CPVL: variants seen among roughly 807,000 people sequenced by gnomAD.
The protein encoded by CPVL is probable serine carboxypeptidase CPVL.
In CPVL, 51 loss-of-function variants were observed where a neutral mutation model predicts 63.7. That is an observed-to-expected ratio of 0.80 (90% CI 0.64 to 1.01). The LOEUF is 1.01. Among genes scored for constraint, CPVL ranks in the 50% least tolerant of loss-of-function variants. CPVL has a pLI of 0.00. For synonymous variants in CPVL, 195 were observed against 206.0 expected (o/e 0.95, Z 0.46); for missense variants, 530 against 573.1 (o/e 0.92, Z 0.77).
intron 6 of CPVL, among the ~76,000 whole-genome samples, chr7:29,090,615 A>G (rs1238925184): frequency 6.6e-6 from 1 of 152,220 alleles, no homozygotes; most frequent in Non-Finnish European, 1.5e-5. Flanking sequence ...CAGCTGGCAC[A>G]TAATAGGCAA....
chr7:29,077,199 T>C (rs543153433), intron 7 of CPVL, among the ~76,000 whole-genome samples: 2 of 152,258 alleles, frequency 1.3e-5, no homozygotes, highest in Admixed American at 1.3e-4. Context: ...GAGAATAATA[T>C]TAAAATGGAA....
At chr7:29,190,948 T>C (rs972536670) in intron 1 of CPVL, among the ~76,000 whole-genome samples, 18 of 151,988 alleles carry the variant, frequency 1.2e-4, no homozygotes, top group Admixed American at 2.0e-4. Flanking sequence ...TTTTTTTTTT[T>C]CCCTGAGACA....
intron 11 of CPVL, among the ~76,000 whole-genome samples, chr7:29,048,374 C>A (rs1789821544): frequency 6.6e-6 from 1 of 152,128 alleles, no homozygotes; most frequent in Admixed American, 6.6e-5. Flanking sequence ...AAAGGCATTT[C>A]ATGCAAAGAG....
intron 1 of CPVL, among the ~76,000 whole-genome samples, chr7:29,121,719 C>G (rs1422154752): frequency 1.3e-5 from 2 of 152,104 alleles, no homozygotes; most frequent in African/African-American, 4.8e-5. Flanking sequence ...ACAGCTTAAG[C>G]AAAGGTGAGA....
chr7:29,154,023 A>G (rs774828510), intron 5 of CPVL, among the ~76,000 whole-genome samples: 18 of 152,234 alleles, frequency 1.2e-4, no homozygotes, highest in Non-Finnish European at 1.9e-4. Flanking sequence ...TAAGTTTTGG[A>G]GAAGTCAAAA....
At chr7:29,006,279 T>C (rs1785187836) in intron 12 of CPVL, among the ~76,000 whole-genome samples, 1 of 152,238 alleles carries the variant, frequency 6.6e-6, no homozygotes, top group African/African-American at 2.4e-5. Flanking sequence ...CTCAGACTCC[T>C]GGTTCTCTGA....
At chr7:29,114,304 T>C (rs964003217) in intron 2 of CPVL, among the ~76,000 whole-genome samples, 1 of 152,132 alleles carries the variant, frequency 6.6e-6, no homozygotes, top group Non-Finnish European at 1.5e-5. Flanking sequence ...ATTCCCACTT[T>C]ACAGATAAGA....
At chr7:29,079,974 A>C (rs891566751) in intron 7 of CPVL, among the ~76,000 whole-genome samples, 4 of 152,194 alleles carry the variant, frequency 2.6e-5, no homozygotes, top group Non-Finnish European at 5.9e-5. Flanking sequence ...ATACAGATGG[A>C]AGAAGCATGG....
intron 1 of CPVL, among the ~76,000 whole-genome samples, chr7:29,143,092 C>G (rs1459303487): frequency 6.6e-6 from 1 of 152,180 alleles, no homozygotes; most frequent in South Asian, 2.1e-4. Flanking sequence ...CCTCCCATGC[C>G]TTCAATGGCT....
chr7:29,139,543 G>T (rs1010532123), intron 1 of CPVL, among the ~76,000 whole-genome samples: 1 of 151,758 alleles, frequency 6.6e-6, no homozygotes, highest in Admixed American at 6.6e-5. Context: ...GGGGGGCAGG[G>T]GGGCTACAAC....
chr7:29,083,919 C>CT (rs1174446410), intron 7 of CPVL, among the ~76,000 whole-genome samples: 1 of 151,924 alleles, frequency 6.6e-6, no homozygotes, highest in Non-Finnish European at 1.5e-5. Context: ...AGTTACTTGT[C>CT]TAATTTTTTC....
intron 10 of CPVL, 147 bp from the exon 11 acceptor site, chr7:29,064,381 C>G (rs76303279): frequency 2.0e-6 from 1 of 502,406 alleles, no homozygotes; most frequent in Admixed American, 3.8e-5. Flanking sequence ...AATTTTAACT[C>G]GGAGGTTTTG....
At chr7:29,140,645 G>GA (rs1428060463) in intron 1 of CPVL, among the ~76,000 whole-genome samples, 1 of 152,092 alleles carries the variant, frequency 6.6e-6, no homozygotes. Context: ...CTAACTTTGG[G>GA]AAAAAAGCAT....
chr7:29,004,483 G>C (rs1784975733), intron 12 of CPVL, among the ~76,000 whole-genome samples: 1 of 152,138 alleles, frequency 6.6e-6, no homozygotes, highest in Admixed American at 6.5e-5. Context: ...GCAAGGTTGG[G>C]ATGAATTATT....
At chr7:29,068,177 T>G (rs184745435) in intron 9 of CPVL, among the ~76,000 whole-genome samples, 2,231 of 151,586 alleles carry the variant, frequency 0.015, 27 homozygotes, top group Non-Finnish European at 0.017. Flanking sequence ...GCTAATTTTT[T>G]TTTGTGTGTG....
intron 11 of CPVL, among the ~76,000 whole-genome samples, chr7:29,037,706 T>C (rs1192827575): frequency 6.6e-6 from 1 of 152,090 alleles, no homozygotes; most frequent in Admixed American, 6.5e-5. Context: ...TGACTTAGGA[T>C]GGAGGAGTTA....
chr7:29,125,105 T>C (rs934857406), intron 1 of CPVL: 1 of 152,210 alleles, frequency 6.6e-6, no homozygotes, highest in South Asian at 2.1e-4. Context: ...GCTATTATAA[T>C]AATATTTATT....
intron 1 of CPVL, among the ~76,000 whole-genome samples, chr7:29,141,200 C>T (rs944164989): frequency 1.3e-5 from 2 of 152,350 alleles, no homozygotes; most frequent in South Asian, 2.1e-4. Context: ...ACCTAGCATA[C>T]AGTCAGTAGC....
chr7:29,105,068 A>G (rs968908040), intron 3 of CPVL, among the ~76,000 whole-genome samples: 2 of 152,164 alleles, frequency 1.3e-5, no homozygotes, highest in African/African-American at 4.8e-5. Flanking sequence ...GAAGAAGACA[A>G]TTATCTGTGA....
Sources: gnomAD v4.1 joint callset for allele counts (sites outside exome capture counted in the v4.1 genomes callset) on GRCh38, gnomAD v4.1.1 for gene constraint, MANE v1.5 for transcripts, NCBI Gene and HGNC (gene_info 2026-07-23, HGNC 2026-07-21) for gene names.